Variants in SMARCC1 observed in about 807,000 individuals in gnomAD.
SMARCC1 encodes the protein SWI/SNF complex subunit SMARCC1.
In SMARCC1, 43 loss-of-function variants were observed where a neutral mutation model predicts 147.4. The observed-to-expected ratio is 0.29, with a 90% CI of 0.23 to 0.38. The LOEUF (loss-of-function observed/expected upper bound fraction) is 0.38. Ranked by LOEUF, SMARCC1 falls within the 10% of genes least tolerant of loss-of-function variation. The pLI, the probability that SMARCC1 is intolerant of heterozygous loss-of-function variation, is 1.00. For synonymous variants in SMARCC1, 495 were observed against 484.4 expected (o/e 1.02, Z -0.29); for missense variants, 1,119 against 1,381.1 (o/e 0.81, Z 3.01).
intron 8 of SMARCC1, among the ~76,000 whole-genome samples, chr3:47,713,358 T>TAAAA (rs2034115219): frequency 7.4e-6 from 1 of 135,730 alleles, no homozygotes; most frequent in Non-Finnish European, 1.6e-5. Flanking sequence ...AATAAATAAA[T>TAAAA]AAAAGATAAA....
At chr3:47,709,236 G>A (rs2034054462) in intron 9 of SMARCC1, among the ~76,000 whole-genome samples, 1 of 151,958 alleles carries the variant, frequency 6.6e-6, no homozygotes, top group African/African-American at 2.4e-5. Context: ...ACTCCAGCCT[G>A]GGCAATAGAA....
At chr3:47,680,407 T>A in intron 15 of SMARCC1, 30 bp downstream of exon 15, 1 of 1,528,378 alleles carries the variant, frequency 6.5e-7, no homozygotes, top group Middle Eastern at 1.7e-4. Context: ...CACAGGCAAA[T>A]AAACAAGTTT....
intron 1 of SMARCC1, among the ~76,000 whole-genome samples, chr3:47,778,268 CAATT>C (rs1398072051): frequency 1.0e-4 from 15 of 145,498 alleles, no homozygotes; most frequent in Non-Finnish European, 2.0e-4. Context: ...ATGTCATAAA[CAATT>C]AATCTGGTTT....
chr3:47,682,416 C>G (rs78199125), intron 14 of SMARCC1, among the ~76,000 whole-genome samples: 3,086 of 152,166 alleles, frequency 0.02, 99 homozygotes, highest in African/African-American at 0.071. Flanking sequence ...ATAGCCGGGA[C>G]TACAGGCATG....
chr3:47,653,055 C>T (rs1037556004), intron 21 of SMARCC1, among the ~76,000 whole-genome samples: 13 of 149,546 alleles, frequency 8.7e-5, no homozygotes, highest in African/African-American at 2.9e-4. Context: ...TTCCCGGGTT[C>T]ACGCCATTCT....
intron 24 of SMARCC1, among the ~76,000 whole-genome samples, chr3:47,626,591 T>C (rs1029989477): frequency 7.2e-5 from 11 of 152,168 alleles, no homozygotes; most frequent in African/African-American, 2.4e-4. Context: ...CAATGCATCT[T>C]TGGAATAATT....
intron 26 of SMARCC1, among the ~76,000 whole-genome samples, chr3:47,606,983 G>A (rs1023786799): frequency 2.6e-5 from 4 of 151,830 alleles, no homozygotes; most frequent in African/African-American, 9.7e-5. Flanking sequence ...GCAAAGTGCT[G>A]GGATTAATGG....
intron 21 of SMARCC1, among the ~76,000 whole-genome samples, chr3:47,651,359 C>T (rs1576399276): frequency 6.6e-6 from 1 of 152,216 alleles, no homozygotes; most frequent in East Asian, 1.9e-4. Flanking sequence ...ACTTGCTCCA[C>T]TTTGCATAAA....
chr3:47,619,094 T>C (rs2032690183), intron 25 of SMARCC1, among the ~76,000 whole-genome samples: 1 of 152,142 alleles, frequency 6.6e-6, no homozygotes, highest in South Asian at 2.1e-4. Context: ...CCCCTAAAGC[T>C]CCGCCTGTAG....
chr3:47,775,144 C>T (rs2034959070), intron 1 of SMARCC1, among the ~76,000 whole-genome samples: 1 of 151,630 alleles, frequency 6.6e-6, no homozygotes, highest in East Asian at 2.0e-4. Context: ...CAGTTTTTCT[C>T]CAATATACTC....
chr3:47,605,305 C>T (rs2106661536), intron 26 of SMARCC1, among the ~76,000 whole-genome samples: 1 of 152,308 alleles, frequency 6.6e-6, no homozygotes, highest in East Asian at 1.9e-4. Context: ...TCATGTATTT[C>T]ACAACAGCAC....
rs575117264 is a variant in SMARCC1 at position 47,673,339 on chromosome 3, C to G, written c.1839+2136G>C. 2.0e-3 allele frequency among the ~76,000 whole-genome samples: 281 copies of G among 141,624 alleles called. 1 individual carries two copies. Among genetic ancestry groups the G allele is most frequent in the African/African-American group, 7.2e-3 (272 of 37,682 alleles). 92.9% of individuals were successfully genotyped at this position (141,624 alleles called of 152,430 possible). A position where few individuals can be genotyped will look rare whatever the true frequency, so the allele number is the denominator to read the frequency against. On this transcript the variant is annotated intron_variant, in intron 18 of 27. Coordinates refer to ENST00000254480, the MANE Select transcript of SMARCC1 (RefSeq NM_003074.4). The stretch of plus-strand genomic sequence containing the variant: ...CGGGAGGCAGAGGTTGCAGGGGAGA[C>G]TGCGCCACCGCACTCCAGCTTGGGC...
chr3:47,646,057 C>T (rs1424339250), intron 21 of SMARCC1, among the ~76,000 whole-genome samples: 3 of 152,118 alleles, frequency 2.0e-5, no homozygotes, highest in East Asian at 3.8e-4. Context: ...TGGTGGCTCA[C>T]ACCTGTAACC....
chr3:47,744,581 T>C (rs2034546468), intron 3 of SMARCC1, among the ~76,000 whole-genome samples: 1 of 152,162 alleles, frequency 6.6e-6, no homozygotes, highest in Non-Finnish European at 1.5e-5. Context: ...GTAAAATATA[T>C]AAATTACATG....
At chr3:47,705,437 A>C (rs1256481166) in intron 10 of SMARCC1, among the ~76,000 whole-genome samples, 1 of 152,164 alleles carries the variant, frequency 6.6e-6, no homozygotes, top group East Asian at 1.9e-4. Context: ...GGGCTCAAAA[A>C]CTAAGTTTTT....
At chr3:47,636,779 AATATAT>A (rs548964082) in intron 22 of SMARCC1, among the ~76,000 whole-genome samples, 1 of 80,936 alleles carries the variant, frequency 1.2e-5, no homozygotes, top group Admixed American at 1.3e-4. Context: ...ACCACAACAA[AATATAT>A]ATATGTGTGT....
chr3:47,628,536 T>C (rs1177523299), intron 24 of SMARCC1, among the ~76,000 whole-genome samples: 1 of 152,226 alleles, frequency 6.6e-6, no homozygotes, highest in African/African-American at 2.4e-5. Context: ...AAGGGAACTA[T>C]GTAGGCAAGA....
At chr3:47,657,759 G>A (rs1489990202) in intron 21 of SMARCC1, among the ~76,000 whole-genome samples, 2 of 151,900 alleles carry the variant, frequency 1.3e-5, no homozygotes, top group Non-Finnish European at 2.9e-5. Flanking sequence ...GTTGCAGTAA[G>A]CCAAGATCAC....
chr3:47,632,943 T>C (rs2032911990), intron 24 of SMARCC1, among the ~76,000 whole-genome samples: 1 of 147,950 alleles, frequency 6.8e-6, no homozygotes, highest in Admixed American at 6.9e-5. Flanking sequence ...CTGCACATAA[T>C]GTAGGATTCC....
Sources: gnomAD v4.1 joint callset for allele counts (sites outside exome capture counted in the v4.1 genomes callset) on GRCh38, gnomAD v4.1.1 for gene constraint, MANE v1.5 for transcripts, NCBI Gene and HGNC (gene_info 2026-07-23, HGNC 2026-07-21) for gene names.